Variants in TMEM69 observed in about 807,000 individuals in gnomAD.
TMEM69 encodes the protein transmembrane protein 69.
A neutral mutation model predicts 15.8 loss-of-function variants in TMEM69; 17 were observed. The observed-to-expected ratio is 1.07, with a 90% CI of 0.73 to 1.61. TMEM69 has a LOEUF of 1.61. Ranked by LOEUF, TMEM69 falls within the 40% of genes most tolerant of loss-of-function variation. The probability of loss-of-function intolerance (pLI) is 0.00; values close to 1 mark genes in which losing one functional copy is unlikely to be tolerated. For synonymous variants in TMEM69, 80 were observed against 98.6 expected (o/e 0.81, Z 1.12); for missense variants, 230 against 286.1 (o/e 0.80, Z 1.41).
chr1:45,690,109 G>T (rs1645335566), intron 1 of TMEM69, among the ~76,000 whole-genome samples: 1 of 152,198 alleles, frequency 6.6e-6, no homozygotes, highest in Non-Finnish European at 1.5e-5. Context: ...CTAATAAGTA[G>T]TGGAGCCAGG....
At position 45,693,199 on chromosome 1, in the gene TMEM69, T is replaced by C; in HGVS notation, c.43-5T>C. 1 of 1,568,800 alleles carries C rather than the reference T, an allele frequency of 6.4e-7. No homozygotes were observed. Among genetic ancestry groups the C allele is most frequent in the East Asian group, 2.3e-5 (1 of 44,418 alleles). On this transcript the variant is annotated splice_polypyrimidine_tract_variant and splice_region_variant and intron_variant, in intron 2 of 2. Transcript: ENST00000372025. ...TTTTGTCTTTTGGTTCTATTTTCTT[T>C]GTAGATACTGAAGTACTCTTTCCCA...
In TMEM69 at chr1:45,693,793, T is replaced by A. The variant is rs1225691239; in HGVS notation, c.632T>A (p.Phe211Tyr). Residue 211 changes from phenylalanine to tyrosine, a missense_variant, in exon 3 of 3, where the codon TTT (phenylalanine) becomes TAT (tyrosine). Transcript: ENST00000372025. The part of the protein sequence containing the change: ...LFLLPHYPNW[F>Y]KALRIVVTLL... ...CTCTTACCACATTATCCCAACTGGT[T>A]TAAAGCCCTGAGGATAGTAGTCACT... The A allele has an allele frequency of 4.3e-6, 7 of 1,614,116 alleles. No individual in the cohort carries two copies. The Admixed American group carries it at 1.0e-4, about 23-fold the overall frequency.
chr1:45,688,225 G>C lies in TMEM69; in HGVS notation c.-146G>C, dbSNP rs1305997745. ...CCAGTGGACCTGGGCTGTTGTTGCG[G>C]TTGTTTTCCTTCTCTCCGTGCAACG... On this transcript the variant is annotated 5_prime_UTR_variant, in exon 1 of 3. Transcript: ENST00000372025. The C allele has an allele frequency of 6.6e-6, 1 of 152,182 alleles. No individual in the cohort carries two copies. Among genetic ancestry groups the C allele is most frequent in the Non-Finnish European group, 1.5e-5 (1 of 68,056 alleles). The allele number at this position is 152,182 out of a possible 1,614,324, so 9.4% of individuals were successfully genotyped here.
intron 1 of TMEM69, among the ~76,000 whole-genome samples, chr1:45,690,003 A>G (rs1645334627): frequency 6.6e-6 from 1 of 152,182 alleles, no homozygotes; most frequent in African/African-American, 2.4e-5. Flanking sequence ...TCCAAAAAAA[A>G]AAATGTTACA....
intron 1 of TMEM69, 54 bp from the exon 2 acceptor site, chr1:45,690,919 TA>T (rs1645340402): frequency 1.3e-6 from 1 of 748,344 alleles, no homozygotes; most frequent in Non-Finnish European, 2.3e-6. Flanking sequence ...TACTACTATT[TA>T]AAAATTAATG....
At chr1:45,692,250 C>A (rs10890343) in intron 2 of TMEM69, among the ~76,000 whole-genome samples, 4 of 151,756 alleles carry the variant, frequency 2.6e-5, no homozygotes, top group Non-Finnish European at 2.9e-5. Context: ...ATTGGACTTA[C>A]AAATGGCAGG....
At chr1:45,692,072 G>T (rs902112679) in intron 2 of TMEM69, among the ~76,000 whole-genome samples, 1 of 151,746 alleles carries the variant, frequency 6.6e-6, no homozygotes, top group Non-Finnish European at 1.5e-5. Context: ...GCTTGAACCT[G>T]GGAGGCAGAG....
intron 2 of TMEM69, among the ~76,000 whole-genome samples, chr1:45,692,009 A>T (rs930755828): frequency 1.3e-5 from 2 of 151,998 alleles, no homozygotes; most frequent in African/African-American, 2.4e-5. Context: ...TTAGCTGGGC[A>T]TGGTGGCGGA....
rs1262851225 is a variant in TMEM69, at chr1:45,693,493, C to T, written c.332C>T (p.Pro111Leu). The T allele has an allele frequency of 6.2e-7, 1 of 1,614,190 alleles. No homozygotes were observed. The change falls in exon 3 of 3, where the codon CCA becomes CTA. Residue 111 changes from proline to leucine, a missense_variant. Pro to Leu is a moderately conservative substitution (Grantham distance 98). Coordinates refer to ENST00000372025, the MANE Select transcript of TMEM69 (RefSeq NM_016486.4). ...GCAGGACTAATCCCCTTCGTTGCTC[C>T]ACCACTGGTCATGCTGATGACAAAA... ...TLAGLIPFVA[P>L]PLVMLMTKTY...
rs1557732772 is a variant in TMEM69 at position 45,693,937 on chromosome 1, CTCTGCCCAGCTGCTGCCCCG to C, written c.*37_*56del. The C allele has an allele frequency of 1.4e-6, 2 of 1,411,328 alleles. No individual in the cohort carries two copies. 87.4% of individuals were successfully genotyped at this position (1,411,328 alleles called of 1,614,324 possible). A position where few individuals can be genotyped will look rare whatever the true frequency, so the allele number is the denominator to read the frequency against. On this transcript the variant is annotated 3_prime_UTR_variant, in exon 3 of 3. Coordinates refer to ENST00000372025, the MANE Select transcript of TMEM69 (RefSeq NM_016486.4). Reference sequence around the variant, plus strand: ...TAAAAGTCTGGGAAGTGAGGAGCACCTCTGCCCAGCTGCTGCCCCGTCTGGGAAGTGAGGAGCGCCTCTGC... The same window carrying C: ...TAAAAGTCTGGGAAGTGAGGAGCACCTCTGGGAAGTGAGGAGCGCCTCTGC...
At chr1:45,691,930 G>A (rs531634752) in intron 2 of TMEM69, among the ~76,000 whole-genome samples, 9 of 92,856 alleles carry the variant, frequency 9.7e-5, no homozygotes, top group African/African-American at 2.2e-4. Context: ...GGCAGATCAC[G>A]TGAGGTCAGG....
intron 1 of TMEM69, among the ~76,000 whole-genome samples, chr1:45,690,581 C>A (rs1645338270): frequency 6.6e-6 from 1 of 151,700 alleles, no homozygotes; most frequent in Non-Finnish European, 1.5e-5. Context: ...ACTCTTAAGC[C>A]CCAAAATAGG....
rs761317001 is a variant in TMEM69 at position 45,693,301 on chromosome 1, G to A, written c.140G>A (p.Arg47Lys). 1 of 1,614,124 alleles carries A rather than the reference G, an allele frequency of 6.2e-7. No individual in the cohort carries two copies. The highest frequency in any genetic ancestry group is 8.5e-7 in the Non-Finnish European group (1 of 1,180,030). ...CAGCAAAACTTTTCCCCATGTCCAA[G>A]GCCTTGGCTTTCCTCATCATTTCCA... ...SLQQNFSPCP[R>K]PWLSSSFPAY... The change falls in exon 3 of 3, where the codon AGG becomes AAG. Residue 47 changes from arginine to lysine, a missense_variant. Transcript: ENST00000372025.
intron 1 of TMEM69, among the ~76,000 whole-genome samples, chr1:45,689,982 G>A (rs1330687663): frequency 1.3e-5 from 2 of 151,554 alleles, no homozygotes; most frequent in African/African-American, 4.9e-5. Context: ...GTGACAGAGC[G>A]AGACCCTGTA....
chr1:45,691,699 A>G (rs2148540018), intron 2 of TMEM69, among the ~76,000 whole-genome samples: 1 of 150,902 alleles, frequency 6.6e-6, no homozygotes, highest in East Asian at 2.0e-4. Flanking sequence ...AAATTAGCTC[A>G]GCATGGTGGT....
rs190698566 is a variant in TMEM69 at position 45,688,623 on chromosome 1, G to T, written c.-96+348G>T. The stretch of plus-strand genomic sequence containing the variant: ...GAAAGCACGTGCCACAGAGGAAAGG[G>T]AGTTTCCAAAGATGGGGGGATGGTT... On this transcript the variant is annotated intron_variant, in intron 1 of 2. Coordinates refer to ENST00000372025, the MANE Select transcript of TMEM69 (RefSeq NM_016486.4). 1.6e-3 allele frequency among the ~76,000 whole-genome samples: 242 copies of T among 152,246 alleles called. 2 individuals carry two copies. The highest frequency in any genetic ancestry group is 2.0e-3 in the Non-Finnish European group (134 of 68,032).
chr1:45,693,027 A>G (rs552782468), intron 2 of TMEM69, among the ~76,000 whole-genome samples, 177 bp from the exon 3 acceptor site: 23 of 152,196 alleles, frequency 1.5e-4, no homozygotes, highest in Non-Finnish European at 3.2e-4. Flanking sequence ...CAGCAATAAT[A>G]TCACTTCAGA....
At chr1:45,691,268 G>A (rs1427591690) in intron 2 of TMEM69, among the ~76,000 whole-genome samples, 158 bp downstream of exon 2, 1 of 152,186 alleles carries the variant, frequency 6.6e-6, no homozygotes, top group Non-Finnish European at 1.5e-5. Context: ...TATTATATCA[G>A]GCTGGGTGCA....
rs767548511 is a variant in TMEM69 at position 45,693,761 on chromosome 1, A to G, written c.600A>G (p.Glu200=). The stretch of plus-strand genomic sequence containing the variant: ...GTATGGGAGTAGCATTCCACCTTGA[A>G]CTTTTTCTCTTACCACATTATCCCA... The part of the protein sequence containing the change: ...IMGMGVAFHL[E]LFLLPHYPNW... Residue 200 remains glutamate, a synonymous_variant, in exon 3 of 3, where the codon GAA becomes GAG. Coordinates refer to ENST00000372025, the MANE Select transcript of TMEM69 (RefSeq NM_016486.4). 2 of 1,614,192 alleles carry G rather than the reference A, an allele frequency of 1.2e-6. No homozygotes were observed. The highest frequency in any genetic ancestry group is 2.2e-5 in the East Asian group (1 of 44,882).
Sources: gnomAD v4.1 joint callset for allele counts (sites outside exome capture counted in the v4.1 genomes callset) on GRCh38, gnomAD v4.1.1 for gene constraint, MANE v1.5 for transcripts, NCBI Gene and HGNC (gene_info 2026-07-23, HGNC 2026-07-21) for gene names.